DNAH11: variants seen among roughly 807,000 people sequenced by gnomAD.
DNAH11 encodes the protein axonemal beta dynein heavy chain 11.
DNAH11 carries 442 observed loss-of-function variants against 526.0 expected under a neutral mutation model. That is an observed-to-expected ratio of 0.84 (90% CI 0.78 to 0.91). The LOEUF (loss-of-function observed/expected upper bound fraction) is 0.91. Ranked by LOEUF, DNAH11 falls within the 40% of genes least tolerant of loss-of-function variation. The pLI is 0.00. For missense variants in DNAH11, 6,989 were observed against 5,448.7 expected (o/e 1.28, Z -8.90); for synonymous variants, 2,461 against 1,935.9 (o/e 1.27, Z -7.12).
At chr7:21,712,519 A>C (rs1784501493) in intron 42 of DNAH11, among the ~76,000 whole-genome samples, 1 of 152,186 alleles carries the variant, frequency 6.6e-6, no homozygotes, top group African/African-American at 2.4e-5. Flanking sequence ...TAATCTCTCT[A>C]CACCTGTGCC....
Position 21,864,563 on chromosome 7 carries a change from C to G in DNAH11, c.11402C>G (p.Pro3801Arg), listed in dbSNP as rs146362213. ...TTGTTGAGAAAGAAAGAGATAGACCCTCTTGAATTGGATTTCCTGCTTCGA... is the reference window on the plus strand; with the variant it reads ...TTGTTGAGAAAGAAAGAGATAGACCGTCTTGAATTGGATTTCCTGCTTCGA... ...QILLRKKEID[P>R]LELDFLLRFT... Residue 3801 changes from proline to arginine, a missense_variant, in exon 70 of 82, where the codon CCT (proline) becomes CGT (arginine). Transcript: ENST00000409508. The G allele has an allele frequency of 4.6e-4, 745 of 1,611,798 alleles. 10 individuals are homozygous for G. The East Asian group carries it at 0.013, about 29-fold the overall frequency.
chr7:21,718,822 A>C (rs1784770616), intron 43 of DNAH11, among the ~76,000 whole-genome samples: 1 of 152,210 alleles, frequency 6.6e-6, no homozygotes, highest in Non-Finnish European at 1.5e-5. Flanking sequence ...CAAAATTAGA[A>C]ATAGTCACAA....
rs1009245965 is a variant in DNAH11, at chr7:21,543,121, G to T, written c.-125G>T. On this transcript the variant is annotated 5_prime_UTR_variant, in exon 1 of 82. Transcript: ENST00000409508. ...TAAGTAGCAGCAGGTGGGAGACTAGGGTCTGCGCTCGCGGCGACCGCGGAG... is the reference window on the plus strand; with the variant it reads ...TAAGTAGCAGCAGGTGGGAGACTAGTGTCTGCGCTCGCGGCGACCGCGGAG... 2.3e-5 allele frequency: 33 copies of T among 1,432,526 alleles called. No homozygotes were observed. Among genetic ancestry groups the T allele is most frequent in the Non-Finnish European group, 2.9e-5 (32 of 1,100,644 alleles). The allele number at this position is 1,432,526 out of a possible 1,614,324, so 88.7% of individuals were successfully genotyped here.
chr7:21,641,433 C>G (rs1787128018), intron 28 of DNAH11, among the ~76,000 whole-genome samples: 1 of 152,244 alleles, frequency 6.6e-6, no homozygotes, highest in South Asian at 2.1e-4. Flanking sequence ...ATGTGTCTTA[C>G]CAAACCCTGG....
chr7:21,637,220 T>C (rs1786904000), intron 26 of DNAH11, among the ~76,000 whole-genome samples: 1 of 151,726 alleles, frequency 6.6e-6, no homozygotes, highest in Non-Finnish European at 1.5e-5. Flanking sequence ...CTTTCTCCCT[T>C]TCTCTCTCCT....
chr7:21,616,690 A>C (rs936631005), intron 22 of DNAH11, among the ~76,000 whole-genome samples: 1 of 152,208 alleles, frequency 6.6e-6, no homozygotes, highest in African/African-American at 2.4e-5. Context: ...TAATAGGAGC[A>C]TGCCACCTCT....
chr7:21,791,307 C>T (rs1014462597), intron 61 of DNAH11, among the ~76,000 whole-genome samples: 2 of 152,222 alleles, frequency 1.3e-5, no homozygotes, highest in African/African-American at 2.4e-5. Context: ...TGAGTGAAAA[C>T]AGCTTGATTT....
chr7:21,651,848 CTAAG>C (rs1449988253), intron 28 of DNAH11, among the ~76,000 whole-genome samples: 8 of 152,224 alleles, frequency 5.3e-5, no homozygotes, highest in Non-Finnish European at 1.2e-4. Flanking sequence ...AAATCACTGC[CTAAG>C]TAACAGATGT....
chr7:21,559,868 A>G, intron 4 of DNAH11, 76 bp downstream of exon 4: 1 of 1,226,570 alleles, frequency 8.2e-7, no homozygotes, highest in Non-Finnish European at 1.1e-6. Context: ...AGTTTTAAAG[A>G]TTTAACACAC....
intron 28 of DNAH11, among the ~76,000 whole-genome samples, chr7:21,645,236 C>G (rs1389023353): frequency 6.6e-6 from 1 of 152,182 alleles, no homozygotes; most frequent in Non-Finnish European, 1.5e-5. Context: ...TTTGATGTCA[C>G]TTGATGAAGG....
At chr7:21,719,683 G>T (rs537685848) in intron 43 of DNAH11, among the ~76,000 whole-genome samples, 1 of 152,282 alleles carries the variant, frequency 6.6e-6, no homozygotes, top group South Asian at 2.1e-4. Flanking sequence ...CAAGAAAGAA[G>T]ATTAAAGAAT....
At chr7:21,841,045 G>A (rs145224185) in intron 65 of DNAH11, among the ~76,000 whole-genome samples, 2,591 of 152,098 alleles carry the variant, frequency 0.017, 68 homozygotes, top group African/African-American at 0.058. Flanking sequence ...TTAGCTGGGC[G>A]TGGTGGCATG....
chr7:21,694,287 C>T (rs1008717093), intron 35 of DNAH11, among the ~76,000 whole-genome samples: 1 of 152,042 alleles, frequency 6.6e-6, no homozygotes, highest in Non-Finnish European at 1.5e-5. Context: ...ACCCATCAAC[C>T]CATCATCTAG....
chr7:21,662,528 A>G (rs1336664014), intron 30 of DNAH11, among the ~76,000 whole-genome samples: 1 of 152,138 alleles, frequency 6.6e-6, no homozygotes, highest in Non-Finnish European at 1.5e-5. Flanking sequence ...ATGTGTACAC[A>G]TGATGTTTTG....
chr7:21,608,235 T>C (rs1785382303), intron 20 of DNAH11, among the ~76,000 whole-genome samples: 1 of 152,148 alleles, frequency 6.6e-6, no homozygotes, highest in South Asian at 2.1e-4. Context: ...AGAATGAATA[T>C]GGTGGGCAAA....
chr7:21,759,539 C>T (rs17277521), intron 54 of DNAH11, among the ~76,000 whole-genome samples: 27,790 of 152,046 alleles, frequency 0.18, 2,722 homozygotes, highest in East Asian at 0.25. Context: ...TCCATTCCTG[C>T]GAGGGTTTCC....
intron 14 of DNAH11, among the ~76,000 whole-genome samples, chr7:21,593,240 CG>C (rs1208027292): frequency 6.6e-6 from 1 of 152,064 alleles, no homozygotes; most frequent in African/African-American, 2.4e-5. Flanking sequence ...CCCATCCTGA[CG>C]TAGGACCTGA....
chr7:21,774,045 A>T (rs1348617579), intron 56 of DNAH11, 46 bp downstream of exon 56: 1 of 1,427,252 alleles, frequency 7.0e-7, no homozygotes, highest in Non-Finnish European at 9.3e-7. Context: ...ATGCTGTTTA[A>T]CAGAAAAATA....
chr7:21,814,055 C>A (rs1249216587), intron 63 of DNAH11, among the ~76,000 whole-genome samples: 1 of 152,170 alleles, frequency 6.6e-6, no homozygotes, highest in South Asian at 2.1e-4. Context: ...AGGCTACAAA[C>A]CTGCACAGCA....
Sources: allele counts gnomAD v4.1 joint callset (sites outside exome capture counted in the v4.1 genomes callset), GRCh38; gene constraint gnomAD v4.1.1; transcripts MANE v1.5; gene names NCBI Gene and HGNC (gene_info 2026-07-23, HGNC 2026-07-21).